SGCZ: variants seen among roughly 807,000 people sequenced by gnomAD.
SGCZ encodes zeta-sarcoglycan.
In SGCZ, 40 loss-of-function variants were observed where a neutral mutation model predicts 41.3. The ratio of observed to expected loss-of-function variants is 0.97; its 90% CI spans 0.75 to 1.26. SGCZ has a LOEUF of 1.26. SGCZ is among the 50% of genes most tolerant of loss of function. The pLI is 0.00. For synonymous variants in SGCZ, 206 were observed against 137.5 expected (o/e 1.50, Z -3.49); for missense variants, 552 against 369.8 (o/e 1.49, Z -4.04).
chr8:14,553,127 G>A (rs758538466), intron 2 of SGCZ, among the ~76,000 whole-genome samples: 2 of 152,026 alleles, frequency 1.3e-5, no homozygotes, highest in Non-Finnish European at 2.9e-5. Context: ...CCTACCATAC[G>A]ATAAATGACT....
At position 14,090,397 on chromosome 8, in the gene SGCZ, G is replaced by A. The variant is rs201217147; in HGVS notation, c.*46C>T. ...AACCGAGCAGAACTGTGAAGCAGAC[G>A]GACAGGAACAAAAGGCTATTCTGGT... is the stretch of plus-strand genomic sequence containing the variant. On this transcript the variant is annotated 3_prime_UTR_variant, in exon 8 of 8. Coordinates refer to ENST00000382080, the MANE Select transcript of SGCZ (RefSeq NM_139167.4). 1.5e-4 allele frequency: 238 copies of A among 1,575,776 alleles called. 3 individuals carry two copies. The South Asian group carries it at 2.3e-3, about 15-fold the overall frequency.
intron 1 of SGCZ, among the ~76,000 whole-genome samples, chr8:14,735,367 G>T (rs1028510662): frequency 6.6e-5 from 10 of 152,250 alleles, no homozygotes; most frequent in Non-Finnish European, 1.0e-4. Context: ...CCGCCAGCAC[G>T]GCTAAAACAA....
intron 2 of SGCZ, among the ~76,000 whole-genome samples, chr8:14,531,059 G>C (rs1803114547): frequency 2.0e-5 from 3 of 151,990 alleles, no homozygotes; most frequent in Admixed American, 1.3e-4. Context: ...TCCAGATGGA[G>C]TCCATGGACC....
At chr8:14,562,017 C>G (rs1186560564) in intron 1 of SGCZ, among the ~76,000 whole-genome samples, 2 of 152,050 alleles carry the variant, frequency 1.3e-5, no homozygotes, top group Admixed American at 1.3e-4. Flanking sequence ...TTGGAATCAC[C>G]TAAACATGGT....
intron 5 of SGCZ, among the ~76,000 whole-genome samples, chr8:14,140,593 C>T (rs1457606370): frequency 6.6e-6 from 1 of 151,980 alleles, no homozygotes; most frequent in African/African-American, 2.4e-5. Context: ...GAATAAAATA[C>T]CTAGGAATCC....
chr8:14,262,650 T>C (rs958439691), intron 3 of SGCZ, among the ~76,000 whole-genome samples: 5 of 151,818 alleles, frequency 3.3e-5, no homozygotes, highest in Non-Finnish European at 5.9e-5. Context: ...ATATTTAGAC[T>C]TTTCTCTTTT....
chr8:15,097,787 T>C (rs1585559451), intron 1 of SGCZ, among the ~76,000 whole-genome samples: 2 of 139,004 alleles, frequency 1.4e-5, no homozygotes, highest in African/African-American at 5.8e-5. Flanking sequence ...TATACGTGTA[T>C]ATATATATAC....
chr8:14,649,542 G>A (rs547211241), intron 1 of SGCZ, among the ~76,000 whole-genome samples: 2 of 151,586 alleles, frequency 1.3e-5, no homozygotes, highest in East Asian at 3.9e-4. Context: ...ATCTGAGATA[G>A]TGTTTTTGAG....
At chr8:14,620,021 A>G (rs1412558119) in intron 1 of SGCZ, among the ~76,000 whole-genome samples, 1 of 152,152 alleles carries the variant, frequency 6.6e-6, no homozygotes, top group Non-Finnish European at 1.5e-5. Flanking sequence ...GAGGCATCAC[A>G]CTACCTGACT....
At chr8:14,107,007 G>C (rs922570525) in intron 6 of SGCZ, among the ~76,000 whole-genome samples, 1 of 152,076 alleles carries the variant, frequency 6.6e-6, no homozygotes, top group Non-Finnish European at 1.5e-5. Context: ...AGAAGGTCAG[G>C]AGATAGAGAC....
At chr8:14,983,899 A>G (rs372099488) in intron 1 of SGCZ, among the ~76,000 whole-genome samples, 6 of 152,186 alleles carry the variant, frequency 3.9e-5, no homozygotes, top group African/African-American at 1.4e-4. Context: ...ATATACAATT[A>G]TGTTTTATTA....
At chr8:14,193,843 T>A (rs996299034) in intron 4 of SGCZ, among the ~76,000 whole-genome samples, 1 of 151,876 alleles carries the variant, frequency 6.6e-6, no homozygotes, top group African/African-American at 2.4e-5. Context: ...CGCTTTTGGT[T>A]TAATAAAGAA....
chr8:14,241,659 C>G (rs2117180357), intron 3 of SGCZ, among the ~76,000 whole-genome samples: 1 of 151,960 alleles, frequency 6.6e-6, no homozygotes, highest in South Asian at 2.1e-4. Context: ...CTGACCCGAA[C>G]TTGCCTCTAG....
chr8:14,384,911 T>A (rs1407777707), intron 2 of SGCZ, among the ~76,000 whole-genome samples: 1 of 152,200 alleles, frequency 6.6e-6, no homozygotes, highest in African/African-American at 2.4e-5. Flanking sequence ...CAAAATTAAT[T>A]AAAGCAGTCC....
chr8:15,108,097 C>A (rs1191080019), intron 1 of SGCZ, among the ~76,000 whole-genome samples: 4 of 152,120 alleles, frequency 2.6e-5, no homozygotes, highest in African/African-American at 7.2e-5. Flanking sequence ...TTTATGAATT[C>A]TACTACTTTC....
At chr8:14,337,502 C>T (rs143061283) in intron 2 of SGCZ, among the ~76,000 whole-genome samples, 4 of 152,138 alleles carry the variant, frequency 2.6e-5, no homozygotes, top group South Asian at 2.1e-4. Flanking sequence ...CTACAGGAGA[C>T]GATTCTAACT....
chr8:15,149,572 T>G (rs1417981358), intron 1 of SGCZ, among the ~76,000 whole-genome samples: 3 of 152,168 alleles, frequency 2.0e-5, no homozygotes, highest in Non-Finnish European at 2.9e-5. Context: ...GATGGAATTT[T>G]CAATGCAAGT....
intron 1 of SGCZ, among the ~76,000 whole-genome samples, chr8:14,943,397 G>A (rs1470386993): frequency 6.6e-6 from 1 of 152,098 alleles, no homozygotes; most frequent in Non-Finnish European, 1.5e-5. Flanking sequence ...ATTCTGAGTG[G>A]AGCCACTAAC....
intron 1 of SGCZ, among the ~76,000 whole-genome samples, chr8:14,830,876 A>T (rs1486142689): frequency 6.6e-6 from 1 of 152,224 alleles, no homozygotes; most frequent in African/African-American, 2.4e-5. Context: ...AACTGGTGTT[A>T]CAAGGAAGAA....
Sources: allele counts gnomAD v4.1 joint callset (sites outside exome capture counted in the v4.1 genomes callset), GRCh38; gene constraint gnomAD v4.1.1; transcripts MANE v1.5; gene names NCBI Gene and HGNC (gene_info 2026-07-23, HGNC 2026-07-21).